Variants in PRH1 observed in about 807,000 individuals in gnomAD.
PRH1 encodes salivary acidic proline-rich phosphoprotein 1/2.
PRH1 carries 7 observed loss-of-function variants against 7.9 expected under a neutral mutation model. The observed-to-expected ratio is 0.89, with a 90% CI of 0.50 to 1.67. The LOEUF (loss-of-function observed/expected upper bound fraction) is 1.67, where lower values mean the gene tolerates loss of function less well. Among genes scored for constraint, PRH1 ranks in the 40% most tolerant of loss-of-function variants. The probability of loss-of-function intolerance (pLI) is 0.00; values close to 1 mark genes in which losing one functional copy is unlikely to be tolerated. For synonymous variants in PRH1, 45 were observed against 80.8 expected (o/e 0.56, Z 2.38); for missense variants, 109 against 223.6 (o/e 0.49, Z 3.27).
chr12:10,921,629 A>G (rs1268969779), intron 2 of PRH1, among the ~76,000 whole-genome samples: 2 of 152,062 alleles, frequency 1.3e-5, no homozygotes, highest in African/African-American at 4.8e-5. Flanking sequence ...TTATTTATTC[A>G]TTCATTTATT....
chr12:11,072,428 TCACC>T, intron 1 of PRH1, among the ~76,000 whole-genome samples: 1 of 152,200 alleles, frequency 6.6e-6, no homozygotes, highest in Non-Finnish European at 1.5e-5. Flanking sequence ...GGCAGGACTC[TCACC>T]TTCTTCCTGA....
chr12:10,961,939 G>A (rs954525651), intron 2 of PRH1, among the ~76,000 whole-genome samples: 3 of 152,204 alleles, frequency 2.0e-5, no homozygotes, highest in Non-Finnish European at 4.4e-5. Context: ...TGCCACAACA[G>A]AGTCACATAC....
intron 1 of PRH1, among the ~76,000 whole-genome samples, chr12:11,092,687 T>C (rs1247828212): frequency 8.7e-6 from 1 of 115,422 alleles, no homozygotes; most frequent in East Asian, 2.1e-4. Flanking sequence ...CATTTTACAA[T>C]CCCCTTGCTA....
At chr12:11,048,405 C>T (rs926141740), upstream of PRH1, 3 of 309,556 alleles carry the variant, frequency 9.7e-6, no homozygotes, top group Admixed American at 1.1e-4. Context: ...GTTTTGGCTT[C>T]CTACTTCCCA....
intron 1 of PRH1, among the ~76,000 whole-genome samples, chr12:11,083,588 T>C (rs535098222): frequency 2.3e-5 from 3 of 127,790 alleles, no homozygotes; most frequent in East Asian, 2.2e-4. Flanking sequence ...AAAAAACTTA[T>C]AGCATTAAGA....
At chr12:10,928,870 C>A (rs1261868599) in intron 2 of PRH1, among the ~76,000 whole-genome samples, 1 of 152,222 alleles carries the variant, frequency 6.6e-6, no homozygotes, top group East Asian at 1.9e-4. Flanking sequence ...CCCCCTGACA[C>A]ACCCACACAA....
At chr12:11,006,613 A>G (rs1188810464) in intron 1 of PRH1, among the ~76,000 whole-genome samples, 2 of 152,074 alleles carry the variant, frequency 1.3e-5, no homozygotes, top group Admixed American at 1.3e-4. Flanking sequence ...TGACAAAATG[A>G]TAAGTAGAAA....
intron 1 of PRH1, among the ~76,000 whole-genome samples, chr12:11,135,356 A>T (rs1391185406): frequency 6.6e-6 from 1 of 152,142 alleles, no homozygotes; most frequent in Non-Finnish European, 1.5e-5. Flanking sequence ...TACTATGAGA[A>T]TATCACCTGG....
intron 1 of PRH1, among the ~76,000 whole-genome samples, chr12:11,041,302 A>C (rs1349999277): frequency 2.4e-4 from 35 of 147,676 alleles, no homozygotes; most frequent in Admixed American, 6.0e-4. Context: ...AAAAAAAAAA[A>C]AAAAAAAAAC....
chr12:11,016,350 C>G (rs983496788), intron 1 of PRH1, among the ~76,000 whole-genome samples: 2 of 152,170 alleles, frequency 1.3e-5, no homozygotes, highest in African/African-American at 4.8e-5. Flanking sequence ...ACTTTTGTAC[C>G]AGACCTCACT....
chr12:10,986,268 A>C, intron 1 of PRH1: 3 of 1,614,138 alleles, frequency 1.9e-6, no homozygotes, highest in Non-Finnish European at 2.5e-6. Flanking sequence ...AGAACAGATT[A>C]GCATCAGAAA....
chr12:11,017,153 G>A (rs1386766748), intron 1 of PRH1, among the ~76,000 whole-genome samples: 1 of 152,288 alleles, frequency 6.6e-6, no homozygotes, highest in East Asian at 1.9e-4. Flanking sequence ...ACCCATGGGT[G>A]GGTCAGCAGA....
intron 2 of PRH1, among the ~76,000 whole-genome samples, chr12:10,955,327 A>G (rs1937900200): frequency 2.0e-5 from 3 of 152,180 alleles, no homozygotes; most frequent in Non-Finnish European, 4.4e-5. Context: ...CCTCTCCTGA[A>G]TGACTTTTGG....
At chr12:11,166,404 C>G (rs190756451) in intron 1 of PRH1, 1 of 152,230 alleles carries the variant, frequency 6.6e-6, no homozygotes, top group African/African-American at 2.4e-5. Flanking sequence ...CAACAGACTT[C>G]TAATATGTAT....
At chr12:10,917,914 A>C (rs1949995140) in intron 2 of PRH1, among the ~76,000 whole-genome samples, 1 of 152,154 alleles carries the variant, frequency 6.6e-6, no homozygotes, top group African/African-American at 2.4e-5. Flanking sequence ...ACCTTCTGCC[A>C]TGTCAAGATA....
intron 1 of PRH1, chr12:11,133,373 A>G: frequency 6.2e-7 from 1 of 1,613,976 alleles, no homozygotes; most frequent in Non-Finnish European, 8.5e-7. Flanking sequence ...CAAAACTGAA[A>G]GAAAAATCTG....
chr12:11,091,115 C>CACACATATATATACATATATATAT (rs751016037), intron 1 of PRH1, among the ~76,000 whole-genome samples: 1 of 25,104 alleles, frequency 4.0e-5, no homozygotes, highest in Non-Finnish European at 1.1e-4. Context: ...CACACACACA[C>CACACATATATATACATATATATAT]ATATATATAT....
intron 2 of PRH1, among the ~76,000 whole-genome samples, chr12:10,913,347 C>T (rs759629984): frequency 2.0e-5 from 3 of 151,694 alleles, no homozygotes; most frequent in Admixed American, 6.6e-5. Flanking sequence ...CCCAGCTACT[C>T]GGGAGGCAGA....
intron 1 of PRH1, chr12:10,986,202 C>G: frequency 6.2e-7 from 1 of 1,614,072 alleles, no homozygotes; most frequent in South Asian, 1.1e-5. Context: ...GACCTTGGTG[C>G]TGAGATCTTG....
Sources: gnomAD v4.1 joint callset for allele counts (sites outside exome capture counted in the v4.1 genomes callset) on GRCh38, gnomAD v4.1.1 for gene constraint, MANE v1.5 for transcripts, NCBI Gene and HGNC (gene_info 2026-07-23, HGNC 2026-07-21) for gene names.